The following TUSC3 variants were observed in gnomAD, a reference collection of about 807,000 sequenced individuals.
TUSC3 encodes tumor suppressor candidate 3.
Under a neutral mutation model 44.8 loss-of-function variants are expected in TUSC3, and 45 were observed. That is an observed-to-expected ratio of 1.00 (90% CI 0.79 to 1.29). The LOEUF is 1.29. Ranked by LOEUF, TUSC3 falls within the 50% of genes most tolerant of loss-of-function variation. The pLI, the probability that TUSC3 is intolerant of heterozygous loss-of-function variation, is 0.00. For missense variants in TUSC3, 519 were observed against 437.9 expected (o/e 1.19, Z -1.65); for synonymous variants, 212 against 152.9 (o/e 1.39, Z -2.85).
chr8:15,746,876 T>TCCTG (rs1052936001), intron 8 of TUSC3, among the ~76,000 whole-genome samples: 1 of 150,138 alleles, frequency 6.7e-6, no homozygotes, highest in African/African-American at 2.5e-5. Flanking sequence ...TGTATCTGGG[T>TCCTG]CCTGGTATGT....
intron 2 of TUSC3, among the ~76,000 whole-genome samples, chr8:15,496,723 G>T (rs1159037948): frequency 1.3e-5 from 2 of 152,092 alleles, no homozygotes; most frequent in African/African-American, 2.4e-5. Context: ...CTAAGCAAAG[G>T]AGTGTGGGTC....
chr8:15,631,843 C>G (rs1805780174), intron 2 of TUSC3, among the ~76,000 whole-genome samples: 1 of 151,966 alleles, frequency 6.6e-6, no homozygotes, highest in Non-Finnish European at 1.5e-5. Context: ...GTATCTGGGA[C>G]TACAGGCACC....
At position 15,555,575 on chromosome 8, in the gene TUSC3, T is replaced by C. The variant is rs903753934; in HGVS notation, c.138+15007T>C. Among the ~76,000 whole-genome samples, 3 of 151,622 alleles carry C rather than the reference T, an allele frequency of 2.0e-5. 1 individual carries two copies. The highest frequency in any genetic ancestry group is 2.0e-4 in the Admixed American group (3 of 15,174). On this transcript the variant is annotated intron_variant, in intron 1 of 10. Coordinates refer to ENST00000503731, the MANE Select transcript of TUSC3 (RefSeq NM_006765.4). ...CTCCCAGAGTGCTGGGATTACAGTA[T>C]TACAGTCTTAAAATGAGAAATTGTT...
At chr8:15,620,223 A>G (rs1224064164) in intron 1 of TUSC3, among the ~76,000 whole-genome samples, 1 of 152,210 alleles carries the variant, frequency 6.6e-6, no homozygotes, top group African/African-American at 2.4e-5. Context: ...ATATTAATAC[A>G]TTGCAGATAG....
At chr8:15,804,736 A>T in the TUSC3 span, among the ~76,000 whole-genome samples, 1 of 152,140 alleles carries the variant, frequency 6.6e-6, no homozygotes, top group Non-Finnish European at 1.5e-5. Context: ...CTCAGAGTAT[A>T]CTTTGAAGTT....
chr8:15,837,478 C>A, the TUSC3 span, among the ~76,000 whole-genome samples: 2 of 151,986 alleles, frequency 1.3e-5, no homozygotes, highest in South Asian at 2.1e-4. Flanking sequence ...CTTTTAAATT[C>A]TTTATCAAAT....
chr8:15,512,870 G>GTATATATATATATA (rs371387088), intron 2 of TUSC3, among the ~76,000 whole-genome samples: 8 of 101,212 alleles, frequency 7.9e-5, no homozygotes, highest in African/African-American at 2.5e-4. Context: ...ATATATGTGT[G>GTATATATATATATA]TGTATATATA....
chr8:15,785,076 A>G, the TUSC3 span, among the ~76,000 whole-genome samples: 2 of 152,142 alleles, frequency 1.3e-5, no homozygotes, highest in African/African-American at 4.8e-5. Context: ...AGAAAAAAGG[A>G]TAATGTGTTA....
At chr8:15,609,869 A>G (rs1243494447) in intron 1 of TUSC3, among the ~76,000 whole-genome samples, 1 of 152,142 alleles carries the variant, frequency 6.6e-6, no homozygotes, top group Non-Finnish European at 1.5e-5. Flanking sequence ...ATCAATAAAC[A>G]TACACTTTTG....
chr8:15,631,534 T>G (rs1805763614), intron 2 of TUSC3, among the ~76,000 whole-genome samples: 1 of 152,176 alleles, frequency 6.6e-6, no homozygotes, highest in South Asian at 2.1e-4. Context: ...GTTTTGCCAC[T>G]TTGCATTTTG....
intron 1 of TUSC3, among the ~76,000 whole-genome samples, chr8:15,560,410 G>A (rs867006578): frequency 0.052 from 7,162 of 138,182 alleles, no homozygotes; most frequent in Middle Eastern, 0.11. Context: ...AGGGTAACCC[G>A]ACCTTTCTCT....
chr8:15,810,511 G>A, the TUSC3 span, among the ~76,000 whole-genome samples: 4 of 152,092 alleles, frequency 2.6e-5, no homozygotes, highest in African/African-American at 7.2e-5. Context: ...GGTGGCACAC[G>A]CCTGTGGTCC....
intron 1 of TUSC3, among the ~76,000 whole-genome samples, chr8:15,476,662 A>G (rs148229194): frequency 6.6e-6 from 1 of 152,336 alleles, no homozygotes; most frequent in Non-Finnish European, 1.5e-5. Context: ...TGAAGCAACA[A>G]AAGCAGAGAT....
In TUSC3 at chr8:15,492,607, A is replaced by C. The variant is rs139614610; in HGVS notation, n.189+9124A>C. 5.2e-3 allele frequency among the ~76,000 whole-genome samples: 782 copies of C among 151,562 alleles called. 3 individuals are homozygous for C. The highest frequency in any genetic ancestry group is 8.5e-3 in the Non-Finnish European group (579 of 67,952). ...GGGAGATTTGACTTGGTGACCACTC[A>C]GATAACTTCAGACACAAATTAAATA... On this transcript the variant is annotated intron_variant and non_coding_transcript_variant, in intron 2 of 5. Coordinates refer to the TUSC3 transcript ENST00000503191.
chr8:15,455,815 C>T (rs1340904631), intron 1 of TUSC3, among the ~76,000 whole-genome samples: 1 of 152,172 alleles, frequency 6.6e-6, no homozygotes, highest in Non-Finnish European at 1.5e-5. Flanking sequence ...AAAGCCCTTC[C>T]CCAAAACTCA....
the TUSC3 span, among the ~76,000 whole-genome samples, chr8:15,839,817 G>A: frequency 1.3e-5 from 2 of 152,152 alleles, no homozygotes; most frequent in Admixed American, 1.3e-4. Context: ...AAGACAGTGT[G>A]GCGATTCCTC....
At chr8:15,532,051 A>T (rs1240350584) in intron 2 of TUSC3, among the ~76,000 whole-genome samples, 1 of 152,114 alleles carries the variant, frequency 6.6e-6, no homozygotes, top group Non-Finnish European at 1.5e-5. Flanking sequence ...ATTGTCAGTG[A>T]CTTACTCTTT....
At chr8:15,541,227 T>C (rs927941622) in intron 1 of TUSC3, among the ~76,000 whole-genome samples, 1 of 152,256 alleles carries the variant, frequency 6.6e-6, no homozygotes, top group African/African-American at 2.4e-5. Flanking sequence ...TTCAATCTGA[T>C]TTCAATCTTA....
At chr8:15,640,034 A>G (rs939909456) in intron 2 of TUSC3, among the ~76,000 whole-genome samples, 22 of 152,198 alleles carry the variant, frequency 1.4e-4, no homozygotes, top group Admixed American at 7.2e-4. Flanking sequence ...CTTGCTTGCC[A>G]TATGGGAACT....
Sources: allele counts gnomAD v4.1 joint callset (sites outside exome capture counted in the v4.1 genomes callset), GRCh38; gene constraint gnomAD v4.1.1; transcripts MANE v1.5; gene names NCBI Gene and HGNC (gene_info 2026-07-23, HGNC 2026-07-21).